XYLT1: variants seen among roughly 807,000 people sequenced by gnomAD.
XYLT1 encodes the protein xylosyltransferase 1, also known as beta-D-xylosyltransferase 1.
A neutral mutation model predicts 91.3 loss-of-function variants in XYLT1; 36 were observed. That is an observed-to-expected ratio of 0.39 (90% confidence interval 0.30 to 0.52). The LOEUF (loss-of-function observed/expected upper bound fraction) is 0.52. Ranked by LOEUF, XYLT1 falls within the 20% of genes least tolerant of loss-of-function variation. The pLI is 0.68. For missense variants in XYLT1, 1,242 were observed against 1,284.5 expected (o/e 0.97, Z 0.51); for synonymous variants, 588 against 532.0 (o/e 1.11, Z -1.45).
At chr16:17,462,981 T>G (rs1432543718) in intron 1 of XYLT1, among the ~76,000 whole-genome samples, 1 of 152,136 alleles carries the variant, frequency 6.6e-6, no homozygotes, top group Non-Finnish European at 1.5e-5. Flanking sequence ...AAGGAAAGTC[T>G]TCGATAAGTA....
At chr16:17,250,934 T>A (rs185222703) in intron 3 of XYLT1, 177 of 152,364 alleles carry the variant, frequency 1.2e-3, no homozygotes, top group African/African-American at 4.1e-3. Context: ...GCAAAGGATC[T>A]GGGAGAAAGT....
At chr16:17,140,658 C>CA (rs71137974) in intron 7 of XYLT1, among the ~76,000 whole-genome samples, 5 of 68,004 alleles carry the variant, frequency 7.4e-5, no homozygotes, top group African/African-American at 2.9e-4. Context: ...AAGACTGTCT[C>CA]AAAAAAAAAA....
chr16:17,340,636 T>C (rs1166257683), intron 2 of XYLT1, among the ~76,000 whole-genome samples: 4 of 152,254 alleles, frequency 2.6e-5, no homozygotes, highest in African/African-American at 7.2e-5. Context: ...CAGTTAACCC[T>C]TTCCTCTCTG....
intron 3 of XYLT1, among the ~76,000 whole-genome samples, chr16:17,239,523 T>C (rs982889788): frequency 5.6e-5 from 8 of 142,416 alleles, no homozygotes; most frequent in Non-Finnish European, 7.6e-5. Flanking sequence ...CATCCATCCA[T>C]CCATCCATCC....
chr16:17,358,053 G>A lies in XYLT1; in HGVS notation c.364-3C>T, dbSNP rs1042015570. The stretch of plus-strand genomic sequence containing the variant: ...ATGAGCGGACTTGGGTGTGGATCCT[G>A]TAGGATGAAAGGAGAAAATGCACGT... On this transcript the variant is annotated splice_polypyrimidine_tract_variant and splice_region_variant and intron_variant, in intron 1 of 11. Coordinates refer to ENST00000261381, the MANE Select transcript of XYLT1 (RefSeq NM_022166.4). The A allele has an allele frequency of 6.2e-7, 1 of 1,613,220 alleles. No homozygotes were observed. The highest frequency in any genetic ancestry group is 1.3e-5 in the African/African-American group (1 of 74,932).
At chr16:17,260,032 ATT>A (rs34476832) in intron 2 of XYLT1, among the ~76,000 whole-genome samples, 5,466 of 142,406 alleles carry the variant, frequency 0.038, 319 homozygotes, top group African/African-American at 0.13. Flanking sequence ...ACCAGCCGCA[ATT>A]TTTTTTTTTT....
chr16:17,333,774 G>T lies in XYLT1; in HGVS notation c.402+24238C>A, dbSNP rs2034938229. Among the ~76,000 whole-genome samples the T allele has an allele frequency of 2.0e-5, 3 of 151,856 alleles. No individual in the cohort carries two copies. In the South Asian group the frequency reaches 6.2e-4, roughly 32 times the overall value. On this transcript the variant is annotated intron_variant, in intron 2 of 11. Transcript: ENST00000261381. ...GGCCCATTTTTGTATTTTTAGTAGA[G>T]ATGGGGTTTCACCATGTTGGCCAGA... is the stretch of plus-strand genomic sequence containing the variant.
In XYLT1 at chr16:17,105,476, C is replaced by A. The variant is rs1322022847; in HGVS notation, c.*3219G>T. On this transcript the variant is annotated 3_prime_UTR_variant, in exon 12 of 12. Coordinates refer to ENST00000261381, the MANE Select transcript of XYLT1 (RefSeq NM_022166.4). ...CAGCGCGCTTCTCACAACACGGGGA[C>A]CTTGGGAATTGCTCACTGCCTCCTT... 6.6e-6 allele frequency: 1 copy of A among 152,186 alleles called. No homozygotes were observed. The highest frequency in any genetic ancestry group is 1.5e-5 in the Non-Finnish European group (1 of 68,042). The allele number at this position is 152,186 out of a possible 1,614,324, so 9.4% of individuals were successfully genotyped here.
rs185350668 is a variant in XYLT1, at chr16:17,341,755, C to T, written c.402+16257G>A. 2.4e-3 allele frequency among the ~76,000 whole-genome samples: 370 copies of T among 152,302 alleles called. 1 individual carries two copies. Among genetic ancestry groups the T allele is most frequent in the African/African-American group, 8.5e-3 (352 of 41,580 alleles). ...ATCATTTAATTGTTTTCATCATGTG[C>T]TTGTATTGCATTAATCCTCTGTAGG... is the stretch of plus-strand genomic sequence containing the variant. On this transcript the variant is annotated intron_variant, in intron 2 of 11. Coordinates refer to ENST00000261381, the MANE Select transcript of XYLT1 (RefSeq NM_022166.4).
chr16:17,108,573 G>T lies in XYLT1; in HGVS notation c.*122C>A. On this transcript the variant is annotated 3_prime_UTR_variant, in exon 12 of 12. Coordinates refer to ENST00000261381, the MANE Select transcript of XYLT1 (RefSeq NM_022166.4). ...GACCTTCCCTTTCCATCATTCTATG[G>T]CCAGGAGAGACCCATTCACAGAGGG... 1.0e-6 allele frequency: 1 copy of T among 977,132 alleles called. No individual in the cohort carries two copies. Among genetic ancestry groups the T allele is most frequent in the Non-Finnish European group, 1.5e-6 (1 of 688,186 alleles). The allele number at this position is 977,132 out of a possible 1,614,324, so 60.5% of individuals were successfully genotyped here.
intron 5 of XYLT1, among the ~76,000 whole-genome samples, chr16:17,163,737 C>A (rs1169297176): frequency 6.6e-6 from 1 of 152,122 alleles, no homozygotes; most frequent in African/African-American, 2.4e-5. Flanking sequence ...CAATGAACGA[C>A]CCATTGTGGG....
chr16:17,470,634 C>A lies in XYLT1; in HGVS notation c.163G>T (p.Glu55Ter). ...RRGGAAVGGG[E>*]QPPPAPAPRR... ...GGGGCCGGGGCCGGGGGCGGCTGCT[C>A]CCCGCCGCCGACCGCTGCGCCCCCG... Residue 55 changes from glutamate (E) to a stop codon, truncating the protein, a stop_gained, in exon 1 of 12, where the codon GAG becomes TAG. Transcript: ENST00000261381. LOFTEE classifies it high-confidence loss of function. The A allele has an allele frequency of 9.0e-7, 1 of 1,106,806 alleles. No homozygotes were observed. The highest frequency in any genetic ancestry group is 1.1e-6 in the Non-Finnish European group (1 of 907,156). 68.6% of individuals were successfully genotyped at this position (1,106,806 alleles called of 1,614,324 possible).
At chr16:17,402,281 C>T (rs1383250238) in intron 1 of XYLT1, among the ~76,000 whole-genome samples, 1 of 151,908 alleles carries the variant, frequency 6.6e-6, no homozygotes, top group Non-Finnish European at 1.5e-5. Context: ...CATTGCCCCA[C>T]TGTACTCCAG....
intron 2 of XYLT1, among the ~76,000 whole-genome samples, chr16:17,339,132 C>CTA (rs2035030685): frequency 6.6e-6 from 1 of 152,208 alleles, no homozygotes; most frequent in Admixed American, 6.5e-5. Flanking sequence ...GAACATCTTG[C>CTA]TATGATTTCT....
chr16:17,467,942 C>T (rs1335977792), intron 1 of XYLT1, among the ~76,000 whole-genome samples: 1 of 152,160 alleles, frequency 6.6e-6, no homozygotes, highest in Non-Finnish European at 1.5e-5. Context: ...TGGAAAATCA[C>T]GGGGATTTGT....
intron 1 of XYLT1, among the ~76,000 whole-genome samples, chr16:17,438,828 C>T (rs1023792845): frequency 7.9e-5 from 12 of 151,974 alleles, no homozygotes; most frequent in East Asian, 3.9e-4. Context: ...GGGGAAAGTC[C>T]GCCCCCATGA....
intron 5 of XYLT1, among the ~76,000 whole-genome samples, chr16:17,163,840 G>A (rs1046145498): frequency 3.9e-5 from 6 of 152,152 alleles, no homozygotes; most frequent in African/African-American, 1.4e-4. Context: ...TTTGAGGTCA[G>A]GAGTTAGAGA....
intron 1 of XYLT1, among the ~76,000 whole-genome samples, chr16:17,429,746 G>A (rs753859994): frequency 3.3e-5 from 5 of 152,072 alleles, no homozygotes; most frequent in Non-Finnish European, 4.4e-5. Flanking sequence ...GCATTACTGC[G>A]TGAGCTGAGA....
intron 2 of XYLT1, among the ~76,000 whole-genome samples, chr16:17,320,672 C>T (rs192184122): frequency 4.0e-5 from 6 of 151,080 alleles, no homozygotes; most frequent in East Asian, 1.9e-4. Context: ...AGTATAGACG[C>T]GGTTTCACCA....
Sources: gnomAD v4.1 joint callset for allele counts (sites outside exome capture counted in the v4.1 genomes callset) on GRCh38, gnomAD v4.1.1 for gene constraint, MANE v1.5 for transcripts, NCBI Gene and HGNC (gene_info 2026-07-23, HGNC 2026-07-21) for gene names.